MYO9A: variants seen among roughly 807,000 people sequenced by gnomAD.
MYO9A encodes the protein myosin IXA, also known as unconventional myosin-IXa.
A neutral mutation model predicts 293.3 loss-of-function variants in MYO9A; 103 were observed. The observed-to-expected ratio is 0.35, with a 90% CI of 0.30 to 0.41. MYO9A has a LOEUF of 0.41. Ranked by LOEUF, MYO9A falls within the 10% of genes least tolerant of loss-of-function variation. MYO9A has a pLI of 1.00. For missense variants in MYO9A, 2,685 were observed against 3,033.0 expected (o/e 0.89, Z 2.69); for synonymous variants, 1,001 against 1,035.7 (o/e 0.97, Z 0.64).
chr15:72,026,359 A>G (rs1354952931), intron 4 of MYO9A, among the ~76,000 whole-genome samples: 1 of 151,652 alleles, frequency 6.6e-6, no homozygotes, highest in East Asian at 1.9e-4. Context: ...ACATTCCTAA[A>G]TAACCAGTGG....
intron 32 of MYO9A, among the ~76,000 whole-genome samples, chr15:71,863,903 A>G (rs924298618): frequency 3.9e-5 from 6 of 152,176 alleles, no homozygotes; most frequent in African/African-American, 1.4e-4. Flanking sequence ...TACATATGGT[A>G]ACTTAAAAGT....
chr15:71,871,589 G>A (rs563877523), intron 32 of MYO9A, among the ~76,000 whole-genome samples: 190 of 151,666 alleles, frequency 1.3e-3, no homozygotes, highest in African/African-American at 4.4e-3. Flanking sequence ...TGCTGAGGTG[G>A]GAGGGCACTT....
Position 71,826,772 on chromosome 15 carries a change from A to AGGCTTGTCTTCCAGGAATTT in MYO9A, c.7435_7454dup (p.Gln2486AsnfsTer24), listed in dbSNP as rs1186296250. The AGGCTTGTCTTCCAGGAATTT allele has an allele frequency of 6.2e-7, 1 of 1,614,040 alleles. No individual in the cohort carries two copies. Among genetic ancestry groups the AGGCTTGTCTTCCAGGAATTT allele is most frequent in the South Asian group, 1.1e-5 (1 of 91,080 alleles). On this transcript the variant is annotated frameshift_variant, in exon 42 of 42. Coordinates refer to ENST00000356056, the MANE Select transcript of MYO9A (RefSeq NM_006901.4). LOFTEE classifies it high-confidence loss of function. ...TGAAGGTTCCTCTGCTGATGAACTG[A>AGGCTTGTCTTCCAGGAATTT]GGCTTGTCTTCCAGGAATTTGGTCT...
chr15:72,071,570 G>A lies in MYO9A; in HGVS notation c.-71-24936C>T, dbSNP rs556391772. 1.3e-3 allele frequency among the ~76,000 whole-genome samples: 192 copies of A among 152,044 alleles called. 6 individuals carry two copies. The South Asian group carries it at 0.038, about 30-fold the overall frequency. ...AGCCTGGCCAACATGGTGAAACCCC[G>A]TCTCTACCAAATATACAAAAATTAG... is the stretch of plus-strand genomic sequence containing the variant. On this transcript the variant is annotated intron_variant, in intron 1 of 41. Coordinates refer to ENST00000356056, the MANE Select transcript of MYO9A (RefSeq NM_006901.4).
At chr15:71,997,140 C>T (rs1251918578) in intron 9 of MYO9A, among the ~76,000 whole-genome samples, 1 of 152,054 alleles carries the variant, frequency 6.6e-6, no homozygotes, top group Non-Finnish European at 1.5e-5. Context: ...TGCCAGAGTG[C>T]TCCTTTTAAA....
chr15:71,948,437 AAGG>A (rs2058972569), intron 15 of MYO9A, among the ~76,000 whole-genome samples: 1 of 152,210 alleles, frequency 6.6e-6, no homozygotes. Flanking sequence ...TGAGGAGAAA[AAGG>A]AGAACATTTT....
At position 71,878,104 on chromosome 15, in the gene MYO9A, G is replaced by T; in HGVS notation, c.5867C>A (p.Thr1956Asn). 6.2e-7 allele frequency: 1 copy of T among 1,611,948 alleles called. No individual in the cohort carries two copies. Among genetic ancestry groups the T allele is most frequent in the Non-Finnish European group, 8.5e-7 (1 of 1,179,398 alleles). Residue 1956 changes from threonine to asparagine, a missense_variant, in exon 31 of 42, where the codon ACT (threonine) becomes AAT (asparagine). This residue lies in a region of MYO9A where 1,434 missense variants were observed against 1,497.7 expected (regional missense o/e 0.96). Coordinates refer to ENST00000356056, the MANE Select transcript of MYO9A (RefSeq NM_006901.4). ...ATATTCATCTAAAAACACTTTAAAA[G>T]TGTTGACCCAAACTCTCACTGGAGA... ...GESPVRVWVN[T>N]FKVFLDEYMN...
rs67440366 is a variant in MYO9A at position 71,830,973 on chromosome 15, CTTTTTTTT to C, written c.6838-670_6838-663del. On this transcript the variant is annotated intron_variant, in intron 39 of 41. Transcript: ENST00000356056. ...GTGAAAATCTCATTGCTGCTTCTTC[CTTTTTTTT>C]TTTTTTTTTTTTTTTTTAAACATTG... Among the ~76,000 whole-genome samples, 20 of 103,090 alleles carry C rather than the reference CTTTTTTTT, an allele frequency of 1.9e-4. No individual in the cohort carries two copies. The East Asian group carries it at 2.6e-3, about 13-fold the overall frequency. 67.6% of individuals were successfully genotyped at this position (103,090 alleles called of 152,430 possible). A position where few individuals can be genotyped will look rare whatever the true frequency, so the allele number is the denominator to read the frequency against.
At chr15:71,830,670 T>C (rs2054685716) in intron 39 of MYO9A, among the ~76,000 whole-genome samples, 1 of 152,174 alleles carries the variant, frequency 6.6e-6, no homozygotes, top group Non-Finnish European at 1.5e-5. Context: ...AGTTCTGCAG[T>C]CACACTAGCC....
chr15:71,936,278 A>G (rs565818769), intron 16 of MYO9A, among the ~76,000 whole-genome samples: 2 of 152,286 alleles, frequency 1.3e-5, no homozygotes, highest in African/African-American at 4.8e-5. Context: ...CTCTCACAGA[A>G]GTACTGAATA....
chr15:72,099,921 A>AT (rs1340319363), intron 1 of MYO9A, among the ~76,000 whole-genome samples: 1 of 150,760 alleles, frequency 6.6e-6, no homozygotes, highest in Admixed American at 6.6e-5. Flanking sequence ...AAAAAAAAAA[A>AT]AAAAAAAAAA....
At chr15:71,940,523 G>A (rs1023191489) in intron 15 of MYO9A, among the ~76,000 whole-genome samples, 7 of 151,534 alleles carry the variant, frequency 4.6e-5, no homozygotes, top group Non-Finnish European at 1.0e-4. Context: ...GAGGAGGGGC[G>A]GAAATAGCAA....
chr15:72,088,912 C>T lies in MYO9A; in HGVS notation c.-72+28768G>A, dbSNP rs1004983728. Among the ~76,000 whole-genome samples the T allele has an allele frequency of 1.3e-4, 20 of 152,192 alleles. 1 individual carries two copies. Among genetic ancestry groups the T allele is most frequent in the Admixed American group, 3.9e-4 (6 of 15,284 alleles). On this transcript the variant is annotated intron_variant, in intron 1 of 41. Coordinates refer to ENST00000356056, the MANE Select transcript of MYO9A (RefSeq NM_006901.4). ...TTTTCTACTTACATGTATGTCTATG[C>T]TCATTTATCCACAGTCATCCAGTCT...
intron 38 of MYO9A, among the ~76,000 whole-genome samples, 158 bp downstream of exon 38, chr15:71,849,878 G>A (rs755831041): frequency 1.5e-4 from 23 of 152,108 alleles, no homozygotes; most frequent in Non-Finnish European, 2.9e-5. Context: ...GAATCCAGGA[G>A]TTTGCATCCT....
chr15:71,856,706 G>A lies in MYO9A; in HGVS notation c.6154-2137C>T, dbSNP rs544376980. On this transcript the variant is annotated intron_variant, in intron 34 of 41. Coordinates refer to ENST00000356056, the MANE Select transcript of MYO9A (RefSeq NM_006901.4). ...TGCATTCCAGCTCTTAATCCTTAGA[G>A]TATTAATTTCATGTCTATTTTGACA... Among the ~76,000 whole-genome samples, 3 of 152,256 alleles carry A rather than the reference G, an allele frequency of 2.0e-5. No individual in the cohort carries two copies. In the East Asian group the frequency reaches 5.8e-4, roughly 29 times the overall value.
At chr15:71,896,167 T>C (rs1251246903) in intron 25 of MYO9A, among the ~76,000 whole-genome samples, 1 of 152,200 alleles carries the variant, frequency 6.6e-6, no homozygotes, top group Non-Finnish European at 1.5e-5. Flanking sequence ...TGGAAAAATA[T>C]ATTATTGATC....
chr15:71,985,774 T>G (rs79717142), intron 11 of MYO9A, among the ~76,000 whole-genome samples: 1 of 152,306 alleles, frequency 6.6e-6, no homozygotes, highest in African/African-American at 2.4e-5. Flanking sequence ...CCTTCAAATA[T>G]ATGTTGTTGA....
chr15:72,041,188 T>C (rs2078216153), intron 2 of MYO9A: 9 of 1,327,768 alleles, frequency 6.8e-6, no homozygotes, highest in Non-Finnish European at 6.3e-6. Context: ...GAGGCTCCCA[T>C]TTATTTGCAG....
At chr15:72,096,294 C>T (rs186278963) in intron 1 of MYO9A, among the ~76,000 whole-genome samples, 2 of 152,176 alleles carry the variant, frequency 1.3e-5, no homozygotes, top group Non-Finnish European at 2.9e-5. Flanking sequence ...GTTGAGATCA[C>T]ACCACCGCAC....
Sources: allele counts gnomAD v4.1 joint callset (sites outside exome capture counted in the v4.1 genomes callset), GRCh38; gene constraint gnomAD v4.1.1; regional missense constraint gnomAD v4.1.1; transcripts MANE v1.5; gene names NCBI Gene and HGNC (gene_info 2026-07-23, HGNC 2026-07-21).